CDH12: variants seen among roughly 807,000 people sequenced by gnomAD.
CDH12 encodes cadherin 12, also known as cadherin-12.
CDH12 carries 41 observed loss-of-function variants against 74.1 expected under a neutral mutation model. The ratio of observed to expected loss-of-function variants is 0.55; its 90% CI spans 0.43 to 0.72. The LOEUF is 0.72. CDH12 is among the 30% of genes least tolerant of loss of function. CDH12 has a pLI of 0.00. For synonymous variants in CDH12, 399 were observed against 355.0 expected, an observed-to-expected ratio of 1.12 and a Z score of -1.39; for missense variants, 945 against 977.2, an observed-to-expected ratio of 0.97 and a Z score of 0.44.
At chr5:22,668,598 GT>G (rs1281830660) in intron 1 of CDH12, among the ~76,000 whole-genome samples, 1 of 152,158 alleles carries the variant, frequency 6.6e-6, no homozygotes, top group Non-Finnish European at 1.5e-5. Context: ...GAGTGTGCTA[GT>G]TTGGATCTCT....
intron 2 of CDH12, among the ~76,000 whole-genome samples, chr5:22,417,764 T>C (rs973789897): frequency 6.6e-6 from 1 of 152,162 alleles, no homozygotes; most frequent in Non-Finnish European, 1.5e-5. Flanking sequence ...GATAAATATA[T>C]AGAATAAAAA....
intron 1 of CDH12, among the ~76,000 whole-genome samples, chr5:22,847,783 C>T (rs942982008): frequency 1.3e-5 from 2 of 152,142 alleles, no homozygotes; most frequent in Non-Finnish European, 2.9e-5. Flanking sequence ...CATCTATCCT[C>T]CAGATATTAT....
chr5:22,740,739 T>C (rs1236125817), intron 1 of CDH12, among the ~76,000 whole-genome samples: 1 of 152,070 alleles, frequency 6.6e-6, no homozygotes, highest in East Asian at 1.9e-4. Context: ...CCTGAACTTG[T>C]GTTGGGGAAA....
intron 3 of CDH12, among the ~76,000 whole-genome samples, chr5:22,215,239 G>C (rs951685650): frequency 6.6e-6 from 1 of 152,110 alleles, no homozygotes; most frequent in African/African-American, 2.4e-5. Flanking sequence ...TCAGGTTACT[G>C]TAACTATAAA....
At chr5:22,390,045 A>G (rs1455357177) in intron 3 of CDH12, among the ~76,000 whole-genome samples, 1 of 151,988 alleles carries the variant, frequency 6.6e-6, no homozygotes, top group Non-Finnish European at 1.5e-5. Flanking sequence ...ACATGCACGC[A>G]CACGCTAGGT....
At chr5:22,227,866 T>C (rs1316521688) in intron 3 of CDH12, among the ~76,000 whole-genome samples, 1 of 152,114 alleles carries the variant, frequency 6.6e-6, no homozygotes, top group African/African-American at 2.4e-5. Flanking sequence ...ATGGCACACT[T>C]GGAAATGTTT....
At chr5:22,673,896 T>C (rs1741029348) in intron 1 of CDH12, among the ~76,000 whole-genome samples, 2 of 152,278 alleles carry the variant, frequency 1.3e-5, no homozygotes, top group South Asian at 2.1e-4. Flanking sequence ...AGCAAGTAAG[T>C]TCACAAAAAA....
At chr5:21,758,875 C>T (rs563074565) in intron 13 of CDH12, among the ~76,000 whole-genome samples, 230 of 152,118 alleles carry the variant, frequency 1.5e-3, no homozygotes, top group Middle Eastern at 6.8e-3. Context: ...AAGCAGAAAA[C>T]GAAACACCAT....
chr5:22,835,103 C>T (rs542241823), intron 1 of CDH12, among the ~76,000 whole-genome samples: 35 of 152,046 alleles, frequency 2.3e-4, no homozygotes, highest in Non-Finnish European at 3.8e-4. Context: ...GAAGATGTCT[C>T]CTGCAAGAAT....
intron 1 of CDH12, among the ~76,000 whole-genome samples, chr5:22,654,094 T>A (rs1048934953): frequency 6.7e-6 from 1 of 149,720 alleles, no homozygotes; most frequent in Non-Finnish European, 1.5e-5. Context: ...CTTCCTTTCT[T>A]CCTTCCTTCC....
chr5:22,836,831 A>G (rs1233161963), intron 1 of CDH12, among the ~76,000 whole-genome samples: 1 of 152,204 alleles, frequency 6.6e-6, no homozygotes, highest in Non-Finnish European at 1.5e-5. Flanking sequence ...TGTCTTTGGG[A>G]AATTCAAGGC....
intron 1 of CDH12, among the ~76,000 whole-genome samples, chr5:22,539,975 C>T (rs1048259716): frequency 1.3e-5 from 2 of 152,116 alleles, no homozygotes; most frequent in African/African-American, 4.8e-5. Context: ...ATGGATCTTT[C>T]TCTAGTTCTT....
At chr5:22,118,655 A>T (rs1745316791) in intron 4 of CDH12, among the ~76,000 whole-genome samples, 1 of 151,978 alleles carries the variant, frequency 6.6e-6, no homozygotes, top group South Asian at 2.1e-4. Flanking sequence ...ATTCTCCAGG[A>T]TCCTAAAATG....
Position 22,752,726 on chromosome 5 carries a change from T to C in CDH12, c.-523+100332A>G, listed in dbSNP as rs560517631. Reference sequence around the variant, plus strand: ...AGCTGGGACTACAGGCGCCCGCCACTACGCCCGGCTAATTTTTTGTATTTT... The same window carrying C: ...AGCTGGGACTACAGGCGCCCGCCACCACGCCCGGCTAATTTTTTGTATTTT... On this transcript the variant is annotated intron_variant, in intron 1 of 14. Transcript: ENST00000382254. Among the ~76,000 whole-genome samples, 416 of 141,410 alleles carry C rather than the reference T, an allele frequency of 2.9e-3. 3 individuals carry two copies. Among genetic ancestry groups the C allele is most frequent in the African/African-American group, 0.01 (386 of 37,428 alleles). The allele number at this position is 141,410 out of a possible 152,430, so 92.8% of individuals were successfully genotyped here.
At chr5:22,033,019 T>C (rs946022344) in intron 5 of CDH12, among the ~76,000 whole-genome samples, 7 of 139,248 alleles carry the variant, frequency 5.0e-5, no homozygotes, top group South Asian at 2.3e-4. Context: ...CAAGAGGCTA[T>C]ATAAACATCT....
chr5:21,863,508 G>C (rs1370873293), intron 6 of CDH12, among the ~76,000 whole-genome samples: 1 of 152,086 alleles, frequency 6.6e-6, no homozygotes, highest in East Asian at 1.9e-4. Flanking sequence ...GCAGAGATCT[G>C]TCATTAAGTC....
At chr5:22,700,431 C>A (rs1742656331) in intron 1 of CDH12, among the ~76,000 whole-genome samples, 1 of 152,146 alleles carries the variant, frequency 6.6e-6, no homozygotes, top group African/African-American at 2.4e-5. Context: ...TGCCTATAGT[C>A]CCAGGTCAAA....
chr5:22,539,878 T>A (rs1437308025), intron 1 of CDH12, among the ~76,000 whole-genome samples: 1 of 152,208 alleles, frequency 6.6e-6, no homozygotes, highest in Non-Finnish European at 1.5e-5. Flanking sequence ...AATGATTTTA[T>A]GATGTCAGCT....
rs561487612 is a variant in CDH12 at position 22,113,018 on chromosome 5, T to G, written c.-186-34156A>C. ...TAAGATGAAATCATCATCTGAGGAC[T>G]AAACTCCGATATTTTTGTCTTGTCC... On this transcript the variant is annotated intron_variant, in intron 4 of 14. Transcript: ENST00000382254. Among the ~76,000 whole-genome samples the G allele has an allele frequency of 5.4e-4, 82 of 152,276 alleles. 4 individuals carry two copies. In the South Asian group the frequency reaches 9.3e-3, roughly 17 times the overall value.
Sources: gnomAD v4.1 joint callset for allele counts (sites outside exome capture counted in the v4.1 genomes callset) on GRCh38, gnomAD v4.1.1 for gene constraint, MANE v1.5 for transcripts, NCBI Gene and HGNC (gene_info 2026-07-23, HGNC 2026-07-21) for gene names.